Variants in ZFAND3 observed in about 807,000 individuals in gnomAD.
ZFAND3 encodes the protein AN1-type zinc finger protein 3.
ZFAND3 carries 10 observed loss-of-function variants against 29.6 expected under a neutral mutation model. The ratio of observed to expected loss-of-function variants is 0.34; its 90% confidence interval spans 0.21 to 0.57. ZFAND3 has a LOEUF of 0.57. ZFAND3 is among the 20% of genes least tolerant of loss of function. ZFAND3 has a pLI of 0.86. For synonymous variants in ZFAND3, 128 were observed against 112.6 expected (o/e 1.14, Z -0.87); for missense variants, 230 against 304.5 (o/e 0.76, Z 1.82).
intron 1 of ZFAND3, among the ~76,000 whole-genome samples, chr6:37,869,197 A>G (rs903274123): frequency 7.2e-5 from 11 of 152,062 alleles, no homozygotes; most frequent in South Asian, 2.1e-4. Flanking sequence ...GTCTCGCTCT[A>G]TCATCCAGGC....
chr6:37,898,968 T>C (rs1365729210), intron 1 of ZFAND3, among the ~76,000 whole-genome samples: 2 of 152,212 alleles, frequency 1.3e-5, no homozygotes, highest in East Asian at 3.8e-4. Flanking sequence ...CGATCTCGGC[T>C]CGCTGCAAGC....
chr6:37,917,320 C>T (rs971557825), intron 1 of ZFAND3, among the ~76,000 whole-genome samples: 4 of 152,154 alleles, frequency 2.6e-5, no homozygotes, highest in African/African-American at 9.7e-5. Context: ...AACCCAATTG[C>T]GACGTCCCAC....
Position 37,914,672 on chromosome 6 carries a change from C to CTT in ZFAND3, c.72-15278_72-15277dup, listed in dbSNP as rs71542148. Among the ~76,000 whole-genome samples, 11 of 114,208 alleles carry CTT rather than the reference C, an allele frequency of 9.6e-5. 1 individual carries two copies. The highest frequency in any genetic ancestry group is 2.5e-4 in the African/African-American group (7 of 27,978). 74.9% of individuals were successfully genotyped at this position (114,208 alleles called of 152,430 possible). ...TTTCTTTCTTTCTTTCTTTTTTTTT[C>CTT]TTTTTTTTTTAGTGGAGACGGGGTT... On this transcript the variant is annotated intron_variant, in intron 1 of 5. Transcript: ENST00000287218.
In ZFAND3 at chr6:38,119,219, T is replaced by A. The variant is rs76353444; in HGVS notation, c.529+2480T>A. 3.6e-3 allele frequency among the ~76,000 whole-genome samples: 550 copies of A among 152,240 alleles called. 2 individuals carry two copies. The highest frequency in any genetic ancestry group is 9.6e-3 in the South Asian group (46 of 4,814). Reference sequence around the variant, plus strand: ...GACTGTTTTTGACAAAGAGCTCTTGTGTTCCTCCTGCCTGCTTGGATCTCT... The same window carrying A: ...GACTGTTTTTGACAAAGAGCTCTTGAGTTCCTCCTGCCTGCTTGGATCTCT... On this transcript the variant is annotated intron_variant, in intron 5 of 5. Transcript: ENST00000287218.
chr6:38,054,738 G>A (rs559670409), intron 2 of ZFAND3, among the ~76,000 whole-genome samples: 17 of 152,216 alleles, frequency 1.1e-4, no homozygotes, highest in African/African-American at 3.4e-4. Flanking sequence ...TATGCATAAG[G>A]TGATAAGGTT....
At chr6:37,904,083 A>T (rs1765366859) in intron 1 of ZFAND3, among the ~76,000 whole-genome samples, 1 of 152,202 alleles carries the variant, frequency 6.6e-6, no homozygotes, top group African/African-American at 2.4e-5. Flanking sequence ...GGAAATGCTG[A>T]CAGACCATTA....
At chr6:37,984,286 CT>C (rs1481976148) in intron 2 of ZFAND3, among the ~76,000 whole-genome samples, 1 of 152,136 alleles carries the variant, frequency 6.6e-6, no homozygotes, top group Non-Finnish European at 1.5e-5. Context: ...TTAGTTAGAA[CT>C]GCTGAGAAAG....
chr6:38,137,299 T>G (rs1765860595), intron 5 of ZFAND3, among the ~76,000 whole-genome samples: 1 of 152,264 alleles, frequency 6.6e-6, no homozygotes, highest in Non-Finnish European at 1.5e-5. Context: ...GTTTTTCAGT[T>G]GTGCCCAGTG....
chr6:37,993,271 C>A (rs935688113), intron 2 of ZFAND3, among the ~76,000 whole-genome samples: 1 of 152,064 alleles, frequency 6.6e-6, no homozygotes, highest in African/African-American at 2.4e-5. Flanking sequence ...GCTAAAAATA[C>A]AACCTTTGCT....
intron 5 of ZFAND3, among the ~76,000 whole-genome samples, chr6:38,123,326 C>T (rs1204021675): frequency 6.6e-6 from 1 of 152,178 alleles, no homozygotes; most frequent in Non-Finnish European, 1.5e-5. Flanking sequence ...CCAGGCTGAT[C>T]CATTTCACCA....
At position 37,998,229 on chromosome 6, in the gene ZFAND3, A is replaced by T. The variant is rs189119834; in HGVS notation, c.113-63364A>T. The stretch of plus-strand genomic sequence containing the variant: ...AGGCTGCATTCTATATAATTTCATT[A>T]GTATGACATGGAAGATGGAAAACTA... On this transcript the variant is annotated intron_variant, in intron 2 of 5. Transcript: ENST00000287218. Among the ~76,000 whole-genome samples the T allele has an allele frequency of 1.7e-4, 26 of 152,356 alleles. No individual in the cohort carries two copies. In the East Asian group the frequency reaches 5.0e-3, roughly 29 times the overall value.
chr6:37,847,336 G>A (rs1764199923), intron 1 of ZFAND3, among the ~76,000 whole-genome samples: 1 of 152,122 alleles, frequency 6.6e-6, no homozygotes. Flanking sequence ...AGCACTATGG[G>A]AGGCTGAGGG....
At chr6:37,956,830 A>C (rs1483791448) in intron 2 of ZFAND3, among the ~76,000 whole-genome samples, 1 of 152,162 alleles carries the variant, frequency 6.6e-6, no homozygotes, top group African/African-American at 2.4e-5. Flanking sequence ...TAAGAGTGCT[A>C]AGTGTGGAAG....
intron 1 of ZFAND3, among the ~76,000 whole-genome samples, chr6:37,872,172 C>T (rs985266179): frequency 6.6e-6 from 1 of 152,208 alleles, no homozygotes; most frequent in Non-Finnish European, 1.5e-5. Flanking sequence ...TATTACCTAA[C>T]GTGGCTTACG....
Position 38,040,442 on chromosome 6 carries a change from CTGTTGTATGTATATACTACATTT to C in ZFAND3, c.113-21146_113-21124del, listed in dbSNP as rs1256088012. Among the ~76,000 whole-genome samples, 40 of 152,234 alleles carry C rather than the reference CTGTTGTATGTATATACTACATTT, an allele frequency of 2.6e-4. 1 individual carries two copies. The highest frequency in any genetic ancestry group is 1.6e-3 in the Admixed American group (25 of 15,288). On this transcript the variant is annotated intron_variant, in intron 2 of 5. Coordinates refer to ENST00000287218, the MANE Select transcript of ZFAND3 (RefSeq NM_021943.3). ...TTGTTTTTTAAGATTGCACAACATC[CTGTTGTATGTATATACTACATTT>C]TGTTTATACATTCATCTGTCAGTGG...
chr6:37,831,751 A>T (rs1241523826), intron 1 of ZFAND3, among the ~76,000 whole-genome samples: 1 of 152,168 alleles, frequency 6.6e-6, no homozygotes, highest in African/African-American at 2.4e-5. Flanking sequence ...GAGGAATGGG[A>T]AAGTGTGCTG....
chr6:37,892,095 C>T (rs546502269), intron 1 of ZFAND3, among the ~76,000 whole-genome samples: 1 of 152,258 alleles, frequency 6.6e-6, no homozygotes, highest in South Asian at 2.1e-4. Context: ...TAGGCCATAA[C>T]ATAAACCTCA....
chr6:37,948,433 C>A (rs981973332), intron 2 of ZFAND3, among the ~76,000 whole-genome samples: 1 of 152,040 alleles, frequency 6.6e-6, no homozygotes, highest in African/African-American at 2.4e-5. Flanking sequence ...TTAATGTTCA[C>A]CTGGCATAGT....
chr6:38,010,201 A>C (rs1392687843), intron 2 of ZFAND3, among the ~76,000 whole-genome samples: 1 of 152,344 alleles, frequency 6.6e-6, no homozygotes, highest in South Asian at 2.1e-4. Context: ...GCGCACTCAC[A>C]GTCACTCATT....
Sources: gnomAD v4.1 joint callset for allele counts (sites outside exome capture counted in the v4.1 genomes callset) on GRCh38, gnomAD v4.1.1 for gene constraint, MANE v1.5 for transcripts, NCBI Gene and HGNC (gene_info 2026-07-23, HGNC 2026-07-21) for gene names.